CSMD1: variants seen among roughly 807,000 people sequenced by gnomAD.
The protein encoded by CSMD1 is CUB and sushi domain-containing protein 1.
Under a neutral mutation model 417.5 loss-of-function variants are expected in CSMD1, and 213 were observed. The observed-to-expected ratio is 0.51, with a 90% CI of 0.46 to 0.57. The LOEUF (loss-of-function observed/expected upper bound fraction) is 0.57, where lower values mean the gene tolerates loss of function less well. Ranked by LOEUF, CSMD1 falls within the 20% of genes least tolerant of loss-of-function variation. The probability of loss-of-function intolerance (pLI) is 0.00; values close to 1 mark genes in which losing one functional copy is unlikely to be tolerated. For missense variants in CSMD1, 6,923 were observed against 4,529.7 expected, an observed-to-expected ratio of 1.53 and a Z score of -15.17; for synonymous variants, 2,862 against 1,736.8, an observed-to-expected ratio of 1.65 and a Z score of -16.11.
intron 7 of CSMD1, among the ~76,000 whole-genome samples, chr8:3,686,702 C>A (rs1157997264): frequency 6.6e-6 from 1 of 152,212 alleles, no homozygotes; most frequent in Non-Finnish European, 1.5e-5. Context: ...ATCCCTTACC[C>A]TCGCCCAAGT....
At chr8:3,829,027 TAAAA>T (rs752944231) in intron 5 of CSMD1, among the ~76,000 whole-genome samples, 56,691 of 150,794 alleles carry the variant, frequency 0.38, 11,118 homozygotes, top group East Asian at 0.57. Flanking sequence ...TCTTTTTTTT[TAAAA>T]AAATGTATTT....
intron 11 of CSMD1, among the ~76,000 whole-genome samples, chr8:3,477,239 T>G (rs78479848): frequency 0.026 from 4,016 of 152,290 alleles, 241 homozygotes; most frequent in East Asian, 0.18. Context: ...GGTATGTACC[T>G]GAATTTTAAA....
At chr8:3,633,601 G>A (rs1262414249) in intron 7 of CSMD1, among the ~76,000 whole-genome samples, 1 of 152,104 alleles carries the variant, frequency 6.6e-6, no homozygotes, top group Non-Finnish European at 1.5e-5. Context: ...ATCTTAATTT[G>A]AAAGGATAAA....
chr8:4,238,276 G>C (rs1012950528), intron 3 of CSMD1, among the ~76,000 whole-genome samples: 3 of 152,200 alleles, frequency 2.0e-5, no homozygotes, highest in Non-Finnish European at 4.4e-5. Context: ...AGGGACTAGA[G>C]ACATGAATGA....
At chr8:3,556,414 T>TATATATATATATATATATATATA (rs1349911850) in intron 10 of CSMD1, among the ~76,000 whole-genome samples, 86 of 141,968 alleles carry the variant, frequency 6.1e-4, no homozygotes, top group East Asian at 8.1e-4. Context: ...TATATATATA[T>TATATATATATATATATATATATA]TCACACACAC....
intron 2 of CSMD1, among the ~76,000 whole-genome samples, chr8:4,474,730 C>T (rs1800710012): frequency 6.6e-6 from 1 of 152,160 alleles, no homozygotes; most frequent in Admixed American, 6.5e-5. Context: ...TCTCCCTCTG[C>T]CATCCGGAGA....
In CSMD1 at chr8:3,910,816, G is replaced by A. The variant is rs58244803; in HGVS notation, c.818+87087C>T. On this transcript the variant is annotated intron_variant, in intron 5 of 69. Transcript: ENST00000635120. ...CAAATATAACTTGTTATTGGAGAGTGCATGCTACAGGCCAAATCTCTATCT... is the reference window on the plus strand; with the variant it reads ...CAAATATAACTTGTTATTGGAGAGTACATGCTACAGGCCAAATCTCTATCT... 8.5e-3 allele frequency among the ~76,000 whole-genome samples: 1,294 copies of A among 152,274 alleles called. 21 individuals are homozygous for A. Among genetic ancestry groups the A allele is most frequent in the African/African-American group, 0.029 (1,209 of 41,548 alleles).
intron 50 of CSMD1, among the ~76,000 whole-genome samples, chr8:3,039,253 C>A (rs539608639): frequency 6.9e-6 from 1 of 144,172 alleles, no homozygotes; most frequent in East Asian, 2.0e-4. Flanking sequence ...GACTCCCGTG[C>A]CTGAAACCAT....
intron 3 of CSMD1, among the ~76,000 whole-genome samples, chr8:4,368,358 G>A (rs942786291): frequency 6.6e-6 from 1 of 152,030 alleles, no homozygotes; most frequent in Non-Finnish European, 1.5e-5. Flanking sequence ...TGGTGAATTA[G>A]CTTTTTCATC....
intron 23 of CSMD1, among the ~76,000 whole-genome samples, chr8:3,311,829 C>G (rs7843433): frequency 0.019 from 2,835 of 152,180 alleles, 84 homozygotes; most frequent in African/African-American, 0.064. Flanking sequence ...TAATAACATT[C>G]ATTTTCCTGT....
chr8:4,303,533 A>G (rs1490213477), intron 3 of CSMD1, among the ~76,000 whole-genome samples: 1 of 148,128 alleles, frequency 6.8e-6, no homozygotes, highest in Non-Finnish European at 1.5e-5. Flanking sequence ...AAGATTCTGT[A>G]AAAGGAAAAT....
chr8:4,685,084 C>T (rs1205679426), intron 1 of CSMD1, among the ~76,000 whole-genome samples: 1 of 152,204 alleles, frequency 6.6e-6, no homozygotes, highest in African/African-American at 2.4e-5. Flanking sequence ...GCAACTCCAA[C>T]ATATTTACTG....
At chr8:3,126,488 G>A (rs903125998) in intron 41 of CSMD1, among the ~76,000 whole-genome samples, 2 of 152,074 alleles carry the variant, frequency 1.3e-5, no homozygotes, top group African/African-American at 2.4e-5. Context: ...TTGAAGCCCC[G>A]CTTGAGTCCT....
At chr8:4,634,814 C>A (rs1802728256) in intron 2 of CSMD1, among the ~76,000 whole-genome samples, 1 of 152,094 alleles carries the variant, frequency 6.6e-6, no homozygotes, top group African/African-American at 2.4e-5. Flanking sequence ...CATGTGTTTT[C>A]CCTGACAACA....
At chr8:3,096,292 G>C (rs1448947526) in intron 47 of CSMD1, among the ~76,000 whole-genome samples, 1 of 152,148 alleles carries the variant, frequency 6.6e-6, no homozygotes, top group African/African-American at 2.4e-5. Context: ...TTCTTGAATT[G>C]TAAATCCCAC....
intron 9 of CSMD1, among the ~76,000 whole-genome samples, chr8:3,583,254 A>G (rs970581122): frequency 1.3e-5 from 2 of 151,770 alleles, no homozygotes; most frequent in African/African-American, 4.8e-5. Context: ...ATTTTTACTC[A>G]CAGAGTCAAC....
At chr8:3,032,185 G>C (rs1810385300) in intron 50 of CSMD1, among the ~76,000 whole-genome samples, 1 of 151,876 alleles carries the variant, frequency 6.6e-6, no homozygotes, top group South Asian at 2.1e-4. Context: ...GAGTGGAAGA[G>C]TGGAGATTTC....
chr8:3,236,381 A>T (rs1424295), intron 26 of CSMD1, among the ~76,000 whole-genome samples: 12,243 of 152,244 alleles, frequency 0.08, 671 homozygotes, highest in Admixed American at 0.15. Flanking sequence ...TGAAATAAAG[A>T]TGAAAAGTTC....
chr8:3,132,154 G>T (rs1389502518), intron 41 of CSMD1, among the ~76,000 whole-genome samples: 3 of 152,198 alleles, frequency 2.0e-5, no homozygotes, highest in Non-Finnish European at 2.9e-5. Flanking sequence ...AGGCCACCCA[G>T]TGGGTTTTAC....
Sources: gnomAD v4.1 joint callset for allele counts (sites outside exome capture counted in the v4.1 genomes callset) on GRCh38, gnomAD v4.1.1 for gene constraint, MANE v1.5 for transcripts, NCBI Gene and HGNC (gene_info 2026-07-23, HGNC 2026-07-21) for gene names.